ZNF398: variants seen among roughly 807,000 people sequenced by gnomAD.
The protein encoded by ZNF398 is zinc finger DNA binding protein ZER6.
In ZNF398, 18 loss-of-function variants were observed where a neutral mutation model predicts 41.9. The ratio of observed to expected loss-of-function variants is 0.43; its 90% confidence interval spans 0.30 to 0.64. The LOEUF (loss-of-function observed/expected upper bound fraction) is 0.64, where lower values mean the gene tolerates loss of function less well. ZNF398 is among the 30% of genes least tolerant of loss of function. The probability of loss-of-function intolerance (pLI) is 0.14; values close to 1 mark genes in which losing one functional copy is unlikely to be tolerated. For missense variants in ZNF398, 669 were observed against 822.8 expected (o/e 0.81, Z 2.29); for synonymous variants, 260 against 308.8 (o/e 0.84, Z 1.66).
intron 2 of ZNF398, among the ~76,000 whole-genome samples, chr7:149,162,218 G>C (rs1424858190): frequency 6.6e-6 from 1 of 151,194 alleles, no homozygotes; most frequent in Non-Finnish European, 1.5e-5. Context: ...GTCTCGCTCT[G>C]TCGCCCAGGC....
chr7:149,147,145 G>C (rs1323010505), upstream of ZNF398: 1 of 152,272 alleles, frequency 6.6e-6, no homozygotes, highest in African/African-American at 2.4e-5. This position sits in a 1 kb window ranked among gnomAD's most constrained non-coding sequence, Gnocchi z 5.6. Flanking sequence ...CCCTTCAGCA[G>C]AAGCTGTTGC....
chr7:149,176,342 T>G (rs1267990816), intron 4 of ZNF398, 126 bp from the exon 5 acceptor site: 21 of 675,558 alleles, frequency 3.1e-5, no homozygotes, highest in Non-Finnish European at 5.2e-5. Context: ...AGACTCTGTC[T>G]CAAAAAAAGA....
Position 149,179,078 on chromosome 7 carries a change from C to G in ZNF398, c.1206C>G (p.His402Gln). Reference sequence around the variant, plus strand: ...GCGAGACACCCCCCACCTGCCCACACTGTGCCAGGACTTTTACTCACCCAT... The same window carrying G: ...GCGAGACACCCCCCACCTGCCCACAGTGTGCCAGGACTTTTACTCACCCAT... ...HASETPPTCP[H>Q]CARTFTHPSR... The change falls in exon 6 of 6, where the codon CAC becomes CAG. Residue 402 changes from histidine to glutamine, a missense_variant. Physicochemically the swap from His to Gln is conservative, Grantham distance 24. Coordinates refer to ENST00000475153, the MANE Select transcript of ZNF398 (RefSeq NM_170686.3). This position sits in a 1 kb window ranked among gnomAD's most constrained non-coding sequence, Gnocchi z 6.1. The G allele has an allele frequency of 1.2e-6, 2 of 1,614,066 alleles. No homozygotes were observed. The highest frequency in any genetic ancestry group is 1.7e-6 in the Non-Finnish European group (2 of 1,180,028).
chr7:149,157,787 G>A lies in ZNF398; in HGVS notation c.420+3447G>A, dbSNP rs559197998. ...CGGGAGGCGGAGGTCGCAGTGAGCC[G>A]AGATCGTGCCACTGCACTCCAGCCT... On this transcript the variant is annotated intron_variant, in intron 2 of 5. Coordinates refer to ENST00000475153, the MANE Select transcript of ZNF398 (RefSeq NM_170686.3). Among the ~76,000 whole-genome samples the A allele has an allele frequency of 1.6e-3, 229 of 146,938 alleles. 1 individual carries two copies. The Middle Eastern group carries it at 0.022, about 14-fold the overall frequency.
intron 1 of ZNF398, among the ~76,000 whole-genome samples, chr7:149,153,654 T>C (rs1449690476): frequency 1.3e-5 from 2 of 152,202 alleles, no homozygotes; most frequent in African/African-American, 2.4e-5. Context: ...AGATAGAGGA[T>C]GCTGCAGCAA....
chr7:149,153,859 G>T (rs1233533004), intron 1 of ZNF398, 86 bp from the exon 2 acceptor site: 2 of 1,454,146 alleles, frequency 1.4e-6, no homozygotes. Flanking sequence ...CTGCTGGACA[G>T]TTAAGCAGTC....
intron 2 of ZNF398, among the ~76,000 whole-genome samples, chr7:149,129,429 G>A (rs1826555043): frequency 6.6e-6 from 1 of 152,134 alleles, no homozygotes; most frequent in South Asian, 2.1e-4. Flanking sequence ...GCCCAGGCTA[G>A]AGTGCAGTGG....
At position 149,154,095 on chromosome 7, in the gene ZNF398, A is replaced by C. The variant is rs1794918860; in HGVS notation, c.175A>C (p.Ile59Leu). ...AVQAIERKVE[I>L]HSRRLLHLEG... is the part of the protein sequence containing the mutation. ...GCAGGCTATAGAGAGGAAGGTGGAGATCCACAGCCGGCGACTCCTACACCT... is the reference window on the plus strand; with the variant it reads ...GCAGGCTATAGAGAGGAAGGTGGAGCTCCACAGCCGGCGACTCCTACACCT... Residue 59 changes from isoleucine (I) to leucine (L), a missense_variant, in exon 2 of 6, where the codon ATC becomes CTC. Physicochemically the swap from Ile to Leu is conservative, Grantham distance 5. Around this residue, in one of 3 missense-constraint regions of ZNF398, gnomAD observed 169 missense variants for 239.5 expected, o/e 0.71. Transcript: ENST00000475153. 6.2e-7 allele frequency: 1 copy of C among 1,613,918 alleles called. No homozygotes were observed. The highest frequency in any genetic ancestry group is 8.5e-7 in the Non-Finnish European group (1 of 1,179,942).
At chr7:149,148,863 C>CTTTTTTTTTTTTTTTTTTTTTTTTT (rs59895177) in intron 1 of ZNF398, among the ~76,000 whole-genome samples, 1 of 63,282 alleles carries the variant, frequency 1.6e-5, no homozygotes, top group African/African-American at 6.9e-5. Context: ...TTTTCTTTGT[C>CTTTTTTTTTTTTTTTTTTTTTTTTT]TTTTTTTTTT....
chr7:149,175,768 G>A (rs1386451093), intron 4 of ZNF398, among the ~76,000 whole-genome samples: 5 of 151,984 alleles, frequency 3.3e-5, no homozygotes, highest in Admixed American at 6.6e-5. Flanking sequence ...CACTGCAGCC[G>A]CTGCCTCCCA....
intron 1 of ZNF398, chr7:149,148,543 GGT>G: frequency 1.1e-6 from 1 of 942,240 alleles, no homozygotes; most frequent in Non-Finnish European, 1.3e-6. Flanking sequence ...GCACATGAGG[GGT>G]GACTGGGAAA....
At position 149,178,648 on chromosome 7, in the gene ZNF398, A is replaced by T; in HGVS notation, c.776A>T (p.Asp259Val). ...ESDVYKSTYA[D>V]EELVIKAEGL... ...ATAACTCTGGAGTCTTTTCTTTCAG[A>T]TGAAGAGCTTGTCATCAAAGCTGAA... Residue 259 changes from aspartate (D) to valine (V), a missense_variant and splice_region_variant, in exon 6 of 6, where the codon GAT (aspartate) becomes GTT (valine). This residue lies in a region of ZNF398 where 290 missense variants were observed against 292.9 expected (regional missense o/e 0.99). Transcript: ENST00000475153. 1 of 1,611,604 alleles carries T rather than the reference A, an allele frequency of 6.2e-7. No individual in the cohort carries two copies. Among genetic ancestry groups the T allele is most frequent in the Non-Finnish European group, 8.5e-7 (1 of 1,179,000 alleles).
At chr7:149,137,634 C>G (rs1305586687) in intron 2 of ZNF398, among the ~76,000 whole-genome samples, 1 of 152,132 alleles carries the variant, frequency 6.6e-6, no homozygotes, top group African/African-American at 2.4e-5. Context: ...CCTGCCTTGG[C>G]CTCCCAAACT....
At chr7:149,170,173 A>T (rs991767089) in intron 4 of ZNF398, among the ~76,000 whole-genome samples, 1 of 152,206 alleles carries the variant, frequency 6.6e-6, no homozygotes, top group African/African-American at 2.4e-5. Flanking sequence ...GACAAACACA[A>T]TCATGCGCTG....
Position 149,140,869 on chromosome 7 carries a change from C to T in ZNF398, c.-490+11925C>T, listed in dbSNP as rs545808115. Reference sequence around the variant, plus strand: ...AGCTTGGGCAACATAGCAAGACCTTCTCTCTACCAAAAATTTAAAAGTTAG... The same window carrying T: ...AGCTTGGGCAACATAGCAAGACCTTTTCTCTACCAAAAATTTAAAAGTTAG... On this transcript the variant is annotated intron_variant, in intron 2 of 6. Transcript: ENST00000426851. 1.5e-3 allele frequency among the ~76,000 whole-genome samples: 223 copies of T among 152,082 alleles called. 1 individual carries two copies. The highest frequency in any genetic ancestry group is 5.1e-3 in the African/African-American group (211 of 41,512).
chr7:149,130,394 C>A (rs1280214801), intron 2 of ZNF398, among the ~76,000 whole-genome samples: 1 of 152,208 alleles, frequency 6.6e-6, no homozygotes, highest in African/African-American at 2.4e-5. Flanking sequence ...CTGTGCCCAG[C>A]CTTTTCCAAG....
chr7:149,142,205 TA>T (rs1826840483), intron 2 of ZNF398, among the ~76,000 whole-genome samples: 2 of 152,210 alleles, frequency 1.3e-5, no homozygotes, highest in South Asian at 4.1e-4. Context: ...AATATTGATT[TA>T]TTTTAGGAAA....
At chr7:149,133,654 A>AAT (rs146151029) in intron 2 of ZNF398, among the ~76,000 whole-genome samples, 5,943 of 71,444 alleles carry the variant, frequency 0.083, 439 homozygotes, top group African/African-American at 0.11. Context: ...GTGTTTTTTA[A>AAT]ATATATATAT....
intron 5 of ZNF398, among the ~76,000 whole-genome samples, chr7:149,178,217 G>T (rs772017468): frequency 6.6e-6 from 1 of 151,654 alleles, no homozygotes; most frequent in Non-Finnish European, 1.5e-5. Context: ...GCGTGAACCC[G>T]GGAGGCGGAG....
Sources: gnomAD v4.1 joint callset for allele counts (sites outside exome capture counted in the v4.1 genomes callset) on GRCh38, gnomAD v4.1.1 for gene constraint, gnomAD v4.1.1 regional missense constraint, Gnocchi (gnomAD v3.1) non-coding constraint, MANE v1.5 for transcripts, NCBI Gene and HGNC (gene_info 2026-07-23, HGNC 2026-07-21) for gene names.